SV2C: variants seen among roughly 807,000 people sequenced by gnomAD.
The protein encoded by SV2C is solute carrier family 22 member B3.
In SV2C, 49 loss-of-function variants were observed where a neutral mutation model predicts 79.7. The observed-to-expected ratio is 0.61, with a 90% CI of 0.49 to 0.78. The LOEUF is 0.78. Among genes scored for constraint, SV2C ranks in the 30% least tolerant of loss-of-function variants. SV2C has a pLI of 0.00. For synonymous variants in SV2C, 334 were observed against 333.2 expected (o/e 1.00, Z -0.03); for missense variants, 833 against 912.9 (o/e 0.91, Z 1.13).
chr5:76,293,035 G>A (rs1747615108), intron 8 of SV2C, among the ~76,000 whole-genome samples: 1 of 152,192 alleles, frequency 6.6e-6, no homozygotes, highest in Non-Finnish European at 1.5e-5. Context: ...GCCTGAGGAG[G>A]TGGAATACGG....
At chr5:75,904,089 C>G in the SV2C span, among the ~76,000 whole-genome samples, 9 of 152,058 alleles carry the variant, frequency 5.9e-5, no homozygotes, top group Non-Finnish European at 1.0e-4. Flanking sequence ...CATTATAGCT[C>G]AAGACCAAAT....
chr5:75,998,685 T>C, the SV2C span, among the ~76,000 whole-genome samples: 1 of 152,010 alleles, frequency 6.6e-6, no homozygotes. Flanking sequence ...TGGGTGTGTG[T>C]GTGTGTATTA....
chr5:76,298,545 A>G (rs1446264777), intron 9 of SV2C, among the ~76,000 whole-genome samples: 1 of 152,200 alleles, frequency 6.6e-6, no homozygotes, highest in African/African-American at 2.4e-5. Flanking sequence ...ACAAAAAGCT[A>G]AGGGAAGTTA....
At chr5:76,071,185 A>G in the SV2C span, among the ~76,000 whole-genome samples, 2 of 152,222 alleles carry the variant, frequency 1.3e-5, no homozygotes, top group African/African-American at 2.4e-5. Context: ...TAATGCCAAA[A>G]TGGGGCTTCC....
At chr5:75,981,654 G>A in the SV2C span, among the ~76,000 whole-genome samples, 1 of 152,064 alleles carries the variant, frequency 6.6e-6, no homozygotes, top group East Asian at 1.9e-4. Context: ...TGGGATAACT[G>A]CACTAGCCAT....
chr5:76,280,364 A>C (rs767026738), intron 4 of SV2C, among the ~76,000 whole-genome samples: 19 of 152,082 alleles, frequency 1.2e-4, no homozygotes, highest in Middle Eastern at 6.8e-3. Flanking sequence ...CAATGGAAGA[A>C]TCTACACCTG....
chr5:75,869,607 G>T, the SV2C span, among the ~76,000 whole-genome samples: 2 of 152,170 alleles, frequency 1.3e-5, no homozygotes, highest in South Asian at 4.1e-4. Flanking sequence ...AAGGACAAAG[G>T]CCTGGCTGGC....
At chr5:76,037,192 G>T in the SV2C span, among the ~76,000 whole-genome samples, 1 of 152,138 alleles carries the variant, frequency 6.6e-6, no homozygotes, top group African/African-American at 2.4e-5. Flanking sequence ...TGGTTTGAAT[G>T]TCCTCCCATA....
At chr5:76,026,175 G>C in the SV2C span, among the ~76,000 whole-genome samples, 2 of 141,312 alleles carry the variant, frequency 1.4e-5, no homozygotes, top group African/African-American at 5.3e-5. Context: ...ATTTCTTCAA[G>C]TAGAAACCAG....
At chr5:75,998,831 ACTCTCT>A in the SV2C span, among the ~76,000 whole-genome samples, 2 of 149,330 alleles carry the variant, frequency 1.3e-5, no homozygotes, top group Non-Finnish European at 3.0e-5. Context: ...TCTATCTCTC[ACTCTCT>A]CTCTCTCTAT....
At chr5:75,929,255 G>T in the SV2C span, among the ~76,000 whole-genome samples, 1 of 151,830 alleles carries the variant, frequency 6.6e-6, no homozygotes, top group Non-Finnish European at 1.5e-5. Context: ...CCTGTGCCCA[G>T]CCTGTCCCCT....
intron 4 of SV2C, among the ~76,000 whole-genome samples, chr5:76,231,432 A>AT (rs57021398): frequency 0.12 from 17,654 of 151,696 alleles, 2,985 homozygotes; most frequent in African/African-American, 0.38. Context: ...GGCTGATTTT[A>AT]TTTATTTATT....
intron 4 of SV2C, among the ~76,000 whole-genome samples, chr5:76,233,093 T>TTTGTA: frequency 7.0e-6 from 1 of 141,884 alleles, no homozygotes; most frequent in East Asian, 1.9e-4. Context: ...CTTCCATTTG[T>TTTGTA]TTGTATCCTC....
the SV2C span, among the ~76,000 whole-genome samples, chr5:76,014,541 A>G: frequency 6.6e-6 from 1 of 152,336 alleles, no homozygotes; most frequent in Admixed American, 6.5e-5. Context: ...TCAACTTTGA[A>G]TGTTCCATCT....
chr5:76,136,995 G>A (rs917131870), intron 2 of SV2C, among the ~76,000 whole-genome samples: 3 of 152,178 alleles, frequency 2.0e-5, no homozygotes, highest in African/African-American at 7.2e-5. Context: ...CAGCAGTGTG[G>A]AGAGAGAATG....
At chr5:76,173,683 T>C (rs752190194) in intron 2 of SV2C, 3 of 1,613,752 alleles carry the variant, frequency 1.9e-6, no homozygotes, top group East Asian at 2.2e-5. Flanking sequence ...CTGGAGTTTT[T>C]CTGTTAATTT....
intron 1 of SV2C, among the ~76,000 whole-genome samples, chr5:76,119,786 G>A (rs372484487): frequency 2.0e-5 from 3 of 152,118 alleles, no homozygotes; most frequent in African/African-American, 7.2e-5. Flanking sequence ...GGTCCAAGCA[G>A]GCAAACATTC....
At chr5:75,927,257 C>A in the SV2C span, among the ~76,000 whole-genome samples, 1 of 151,908 alleles carries the variant, frequency 6.6e-6, no homozygotes, top group Non-Finnish European at 1.5e-5. Context: ...TGTCCATCGA[C>A]AGATGAATGG....
rs533636240 is a variant in SV2C, at chr5:76,195,243, T to A, written c.761+144T>A. The A allele has an allele frequency of 2.9e-4, 235 of 808,190 alleles. 1 individual carries two copies. The highest frequency in any genetic ancestry group is 3.9e-4 in the Non-Finnish European group (200 of 508,144). The allele number at this position is 808,190 out of a possible 1,614,324, so 50.1% of individuals were successfully genotyped here. The stretch of plus-strand genomic sequence containing the variant: ...CAGCCCTGGAAACCACAATGCTGGT[T>A]CTTAGAAATATAATTATCAACCTTT... On this transcript the variant is annotated intron_variant, in intron 3 of 12. Coordinates refer to ENST00000502798, the MANE Select transcript of SV2C (RefSeq NM_014979.4).
Sources: gnomAD v4.1 joint callset for allele counts (sites outside exome capture counted in the v4.1 genomes callset) on GRCh38, gnomAD v4.1.1 for gene constraint, MANE v1.5 for transcripts, NCBI Gene and HGNC (gene_info 2026-07-23, HGNC 2026-07-21) for gene names.